PSKH2: variants seen among roughly 807,000 people sequenced by gnomAD.
PSKH2 encodes the protein protein serine kinase H2, also known as serine/threonine-protein kinase H2.
PSKH2 carries 16 observed loss-of-function variants against 22.5 expected under a neutral mutation model. The ratio of observed to expected loss-of-function variants is 0.71; its 90% CI spans 0.48 to 1.08. The LOEUF (loss-of-function observed/expected upper bound fraction) is 1.08. Among genes scored for constraint, PSKH2 ranks in the 50% least tolerant of loss-of-function variants. The pLI is 0.00. For synonymous variants in PSKH2, 188 were observed against 184.8 expected, an observed-to-expected ratio of 1.02 and a Z score of -0.14; for missense variants, 516 against 492.8, an observed-to-expected ratio of 1.05 and a Z score of -0.44.
At chr8:86,059,547 A>C (rs1203916408) in intron 2 of PSKH2, among the ~76,000 whole-genome samples, 1 of 151,984 alleles carries the variant, frequency 6.6e-6, no homozygotes, top group African/African-American at 2.4e-5. Flanking sequence ...CATCATTTCA[A>C]CCTGTTTCCA....
chr8:86,062,549 T>A (rs1211256360), intron 2 of PSKH2, among the ~76,000 whole-genome samples: 6 of 152,116 alleles, frequency 3.9e-5, no homozygotes, highest in African/African-American at 9.7e-5. Context: ...GTTCTCATGA[T>A]AGTGAGCGAG....
At chr8:86,068,239 G>A (rs1817892240) in intron 1 of PSKH2, among the ~76,000 whole-genome samples, 1 of 152,180 alleles carries the variant, frequency 6.6e-6, no homozygotes, top group Non-Finnish European at 1.5e-5. Flanking sequence ...ATAGATTCTG[G>A]ACAGAGCACT....
chr8:86,054,193 G>A (rs1283435142), intron 2 of PSKH2, among the ~76,000 whole-genome samples: 1 of 138,134 alleles, frequency 7.2e-6, no homozygotes, highest in African/African-American at 2.7e-5. Flanking sequence ...ACAATTATTG[G>A]TGGATTTAAT....
intron 2 of PSKH2, among the ~76,000 whole-genome samples, chr8:86,062,935 A>G (rs1017163380): frequency 6.6e-5 from 10 of 151,930 alleles, no homozygotes; most frequent in African/African-American, 2.2e-4. Flanking sequence ...TATGAATTTG[A>G]AAGACAATAA....
At chr8:86,063,860 C>G (rs1289690013) in intron 2 of PSKH2, 105 bp downstream of exon 2, 9 of 875,896 alleles carry the variant, frequency 1.0e-5, no homozygotes, top group Non-Finnish European at 1.4e-5. Flanking sequence ...TCCTACAGCA[C>G]ACAGGACAAC....
intron 2 of PSKH2, among the ~76,000 whole-genome samples, chr8:86,053,096 G>A (rs531958622): frequency 5.9e-5 from 9 of 152,236 alleles, no homozygotes; most frequent in East Asian, 5.8e-4. Flanking sequence ...TGTAGTTTAC[G>A]GCTTTCCAGT....
intron 1 of PSKH2, among the ~76,000 whole-genome samples, chr8:86,068,137 C>G (rs7813620): frequency 0.068 from 10,296 of 152,200 alleles, 1,194 homozygotes; most frequent in African/African-American, 0.23. Flanking sequence ...TATTAGCCAG[C>G]CTTGTTCTTC....
chr8:86,068,580 T>C (rs1004067038), intron 1 of PSKH2, among the ~76,000 whole-genome samples: 2 of 152,198 alleles, frequency 1.3e-5, no homozygotes, highest in African/African-American at 4.8e-5. Flanking sequence ...TACTCCCATT[T>C]TACAGAGCTA....
chr8:86,052,171 C>T (rs1817641112), intron 2 of PSKH2, among the ~76,000 whole-genome samples: 1 of 152,050 alleles, frequency 6.6e-6, no homozygotes, highest in Admixed American at 6.6e-5. Flanking sequence ...GAATCGAATA[C>T]CCACTCTGGA....
chr8:86,056,644 T>C (rs1049058846), intron 2 of PSKH2, among the ~76,000 whole-genome samples: 3 of 152,208 alleles, frequency 2.0e-5, no homozygotes, highest in African/African-American at 7.2e-5. Context: ...CCCAAGTTAA[T>C]AGTAACAATA....
At chr8:86,068,534 A>T (rs1817896574) in intron 1 of PSKH2, among the ~76,000 whole-genome samples, 1 of 152,214 alleles carries the variant, frequency 6.6e-6, no homozygotes, top group African/African-American at 2.4e-5. Context: ...TACATGTATT[A>T]CTTTAATTAT....
At chr8:86,065,983 A>T (rs373102636) in intron 1 of PSKH2, among the ~76,000 whole-genome samples, 3 of 152,292 alleles carry the variant, frequency 2.0e-5, no homozygotes, top group Admixed American at 6.5e-5. Context: ...AAATTAAAAA[A>T]ATAAAATAAA....
chr8:86,057,025 C>T (rs1160205585), intron 2 of PSKH2, among the ~76,000 whole-genome samples: 2 of 150,772 alleles, frequency 1.3e-5, no homozygotes, highest in African/African-American at 4.9e-5. Context: ...CAGCTATGAT[C>T]CTCTTGCCTC....
At chr8:86,048,812 A>G in intron 2 of PSKH2, 45 bp from the exon 3 acceptor site, 1 of 1,412,862 alleles carries the variant, frequency 7.1e-7, no homozygotes, top group Admixed American at 2.3e-5. Flanking sequence ...AATAAAATGG[A>G]AATATACACA....
At chr8:86,062,480 C>G (rs1297547400) in intron 2 of PSKH2, among the ~76,000 whole-genome samples, 1 of 152,262 alleles carries the variant, frequency 6.6e-6, no homozygotes, top group South Asian at 2.1e-4. Context: ...CTGTAGTCCC[C>G]GTGTGTCAGG....
intron 1 of PSKH2, chr8:86,066,574 A>G (rs1417444519): frequency 2.0e-5 from 3 of 152,138 alleles, no homozygotes; most frequent in Non-Finnish European, 2.9e-5. Flanking sequence ...ACCCAGGGAG[A>G]AGGCACGTTT....
At position 86,057,305 on chromosome 8, in the gene PSKH2, CAT is replaced by C. The variant is rs1491241018; in HGVS notation, c.852+6658_852+6659del. Among the ~76,000 whole-genome samples, 1,302 of 141,586 alleles carry C rather than the reference CAT, an allele frequency of 9.2e-3. 10 individuals carry two copies. Among genetic ancestry groups the C allele is most frequent in the Non-Finnish European group, 0.015 (938 of 62,642 alleles). The allele number at this position is 141,586 out of a possible 152,430, so 92.9% of individuals were successfully genotyped here. ...GCATGTACACACACACACACACACA[CAT>C]ACACACAAATGCATGCATCTGAGCT... On this transcript the variant is annotated intron_variant, in intron 2 of 2. Transcript: ENST00000276616.
In PSKH2 at chr8:86,048,036, C is replaced by G. The variant is rs1187049757; in HGVS notation, c.*426G>C. ...CATTTATAACTACTTCGAGTGTTAC[C>G]TAGTTAACACTGTATACTGGGGCTT... On this transcript the variant is annotated 3_prime_UTR_variant, in exon 3 of 3. Coordinates refer to ENST00000276616, the MANE Select transcript of PSKH2 (RefSeq NM_033126.3). 6.6e-6 allele frequency among the ~76,000 whole-genome samples: 1 copy of G among 152,072 alleles called. No homozygotes were observed. The highest frequency in any genetic ancestry group is 2.4e-5 in the African/African-American group (1 of 41,418).
At chr8:86,056,029 C>G (rs543019997) in intron 2 of PSKH2, among the ~76,000 whole-genome samples, 2 of 151,860 alleles carry the variant, frequency 1.3e-5, no homozygotes, top group East Asian at 1.9e-4. Flanking sequence ...TGGTTCACAT[C>G]TGTAATCCCT....
Sources: gnomAD v4.1 joint callset for allele counts (sites outside exome capture counted in the v4.1 genomes callset) on GRCh38, gnomAD v4.1.1 for gene constraint, MANE v1.5 for transcripts, NCBI Gene and HGNC (gene_info 2026-07-23, HGNC 2026-07-21) for gene names.